PKIA: variants seen among roughly 807,000 people sequenced by gnomAD.
PKIA encodes cAMP-dependent protein kinase inhibitor alpha.
In PKIA, 4 loss-of-function variants were observed where a neutral mutation model predicts 7.6. The observed-to-expected ratio is 0.52, with a 90% CI of 0.26 to 1.20. The LOEUF (loss-of-function observed/expected upper bound fraction) is 1.20, where lower values mean the gene tolerates loss of function less well. PKIA is among the 50% of genes most tolerant of loss of function. PKIA has a pLI of 0.13. For missense variants in PKIA, 73 were observed against 86.2 expected, an observed-to-expected ratio of 0.85 and a Z score of 0.61; for synonymous variants, 21 against 30.7, an observed-to-expected ratio of 0.68 and a Z score of 1.04.
intron 1 of PKIA, among the ~76,000 whole-genome samples, chr8:78,542,874 A>T (rs1055995103): frequency 9.2e-5 from 14 of 152,268 alleles, no homozygotes; most frequent in African/African-American, 3.4e-4. Flanking sequence ...ATCCATCTGA[A>T]GATGAAGAGT....
chr8:78,518,281 TG>T (rs934180584), intron 1 of PKIA, among the ~76,000 whole-genome samples: 4 of 152,312 alleles, frequency 2.6e-5, no homozygotes, highest in African/African-American at 9.6e-5. Context: ...CCTTTTTTGT[TG>T]TTGTTATTAT....
chr8:78,523,394 T>C (rs1456144310), intron 1 of PKIA, among the ~76,000 whole-genome samples: 1 of 151,970 alleles, frequency 6.6e-6, no homozygotes, highest in African/African-American at 2.4e-5. Flanking sequence ...TCAGCATTCT[T>C]ATCTTTGTCT....
chr8:78,537,755 A>G (rs1026010435), intron 1 of PKIA, among the ~76,000 whole-genome samples: 2 of 152,032 alleles, frequency 1.3e-5, no homozygotes, highest in Non-Finnish European at 2.9e-5. Flanking sequence ...GCATCCTTAC[A>G]GTAGATTATC....
chr8:78,519,081 CATG>C (rs1397176088), intron 1 of PKIA, among the ~76,000 whole-genome samples: 2 of 151,460 alleles, frequency 1.3e-5, no homozygotes, highest in Non-Finnish European at 2.9e-5. Context: ...GAAGGACGTG[CATG>C]ATTAGATGCT....
At chr8:78,549,748 GAATA>G (rs1255040216) in intron 1 of PKIA, among the ~76,000 whole-genome samples, 1 of 145,774 alleles carries the variant, frequency 6.9e-6, no homozygotes. Flanking sequence ...AAAAAAGTAA[GAATA>G]AAGCTATTAG....
intron 1 of PKIA, among the ~76,000 whole-genome samples, chr8:78,555,041 T>C (rs1395974530): frequency 6.6e-6 from 1 of 152,016 alleles, no homozygotes; most frequent in Non-Finnish European, 1.5e-5. Flanking sequence ...CTGCACTGTG[T>C]GAATCATATT....
intron 2 of PKIA, among the ~76,000 whole-genome samples, chr8:78,579,978 T>C (rs145982333): frequency 1.3e-5 from 2 of 152,078 alleles, no homozygotes; most frequent in Non-Finnish European, 2.9e-5. Context: ...TGGTATGCAA[T>C]TGAGGACCAG....
chr8:78,585,519 T>A (rs1807930781), intron 2 of PKIA, among the ~76,000 whole-genome samples: 1 of 152,034 alleles, frequency 6.6e-6, no homozygotes, highest in African/African-American at 2.4e-5. Context: ...GTAATAGCAA[T>A]GAAAAACATT....
chr8:78,520,160 A>G (rs1367884834), intron 1 of PKIA, among the ~76,000 whole-genome samples: 4 of 152,210 alleles, frequency 2.6e-5, no homozygotes, highest in African/African-American at 7.2e-5. Context: ...TTCCAGAGTT[A>G]TAAATCTATC....
At chr8:78,600,938 A>T (rs951052789) in intron 3 of PKIA, among the ~76,000 whole-genome samples, 1 of 152,094 alleles carries the variant, frequency 6.6e-6, no homozygotes, top group Non-Finnish European at 1.5e-5. Context: ...TTATTGCAAC[A>T]CCTGAAAACA....
At chr8:78,552,932 AAAAT>A (rs1401903917) in intron 1 of PKIA, among the ~76,000 whole-genome samples, 1 of 152,002 alleles carries the variant, frequency 6.6e-6, no homozygotes, top group African/African-American at 2.4e-5. Context: ...GGCTCTTACA[AAAAT>A]AAACACTACA....
intron 1 of PKIA, among the ~76,000 whole-genome samples, chr8:78,568,822 A>G (rs1239783770): frequency 4.6e-5 from 7 of 152,170 alleles, no homozygotes; most frequent in Non-Finnish European, 1.5e-5. Context: ...TAATGAAACC[A>G]TAGGTCATGG....
At chr8:78,527,489 A>C (rs1806273908) in intron 1 of PKIA, among the ~76,000 whole-genome samples, 1 of 152,054 alleles carries the variant, frequency 6.6e-6, no homozygotes, top group African/African-American at 2.4e-5. Context: ...TTGGAAAAGC[A>C]TGTGAAAAAT....
At chr8:78,591,433 G>A (rs1808091618) in intron 2 of PKIA, 1 of 152,542 alleles carries the variant, frequency 6.6e-6, no homozygotes, top group Admixed American at 6.5e-5. Flanking sequence ...CACAGATCAT[G>A]AGTCTCAGTT....
chr8:78,571,911 A>G (rs780772707), intron 1 of PKIA, among the ~76,000 whole-genome samples: 10 of 152,136 alleles, frequency 6.6e-5, no homozygotes, highest in Non-Finnish European at 1.0e-4. Flanking sequence ...GATAGAAAAG[A>G]GTATGACATT....
intron 1 of PKIA, among the ~76,000 whole-genome samples, chr8:78,526,540 T>A (rs1473740318): frequency 6.6e-6 from 1 of 152,072 alleles, no homozygotes; most frequent in Non-Finnish European, 1.5e-5. Context: ...ACTCAAATAG[T>A]TGTTGTTTCC....
At chr8:78,552,452 G>C (rs1255962141) in intron 1 of PKIA, among the ~76,000 whole-genome samples, 1 of 151,750 alleles carries the variant, frequency 6.6e-6, no homozygotes, top group Admixed American at 6.6e-5. Context: ...ATGCTCCCGT[G>C]AGTCAAAATG....
rs1009734440 is a variant in PKIA, at chr8:78,604,606, A to T, written c.*2785A>T. 5 of 151,972 alleles carry T rather than the reference A, an allele frequency of 3.3e-5. No homozygotes were observed. Among genetic ancestry groups the T allele is most frequent in the African/African-American group, 1.2e-4 (5 of 41,402 alleles). The allele number at this position is 151,972 out of a possible 1,614,324, so 9.4% of individuals were successfully genotyped here. On this transcript the variant is annotated 3_prime_UTR_variant, in exon 4 of 4. Coordinates refer to ENST00000396418, the MANE Select transcript of PKIA (RefSeq NM_006823.4). The stretch of plus-strand genomic sequence containing the variant: ...TATCTTTTTTAAAAAAAAGAAATTC[A>T]ATTATGTCTTATTTGGGGGGTATAT...
At chr8:78,530,503 G>C (rs1806363432) in intron 1 of PKIA, among the ~76,000 whole-genome samples, 2 of 151,888 alleles carry the variant, frequency 1.3e-5, no homozygotes, top group African/African-American at 2.4e-5. Context: ...TGTTAAACAG[G>C]TTCTTAGATT....
Sources: gnomAD v4.1 joint callset for allele counts (sites outside exome capture counted in the v4.1 genomes callset) on GRCh38, gnomAD v4.1.1 for gene constraint, MANE v1.5 for transcripts, NCBI Gene and HGNC (gene_info 2026-07-23, HGNC 2026-07-21) for gene names.